The following CDC20 variants were observed in gnomAD, a reference collection of about 807,000 sequenced individuals.
The protein encoded by CDC20 is cell division cycle 20.
CDC20 carries 34 observed loss-of-function variants against 60.0 expected under a neutral mutation model. That is an observed-to-expected ratio of 0.57 (90% CI 0.43 to 0.75). The LOEUF is 0.75. Ranked by LOEUF, CDC20 falls within the 30% of genes least tolerant of loss-of-function variation. The probability of loss-of-function intolerance (pLI) is 0.00; values close to 1 mark genes in which losing one functional copy is unlikely to be tolerated. For synonymous variants in CDC20, 198 were observed against 243.5 expected (o/e 0.81, Z 1.74); for missense variants, 469 against 647.3 (o/e 0.72, Z 2.99).
In CDC20 at chr1:43,363,152, G is replaced by T. The variant is rs769139223; in HGVS notation, c.*23G>T. 5.6e-6 allele frequency: 9 copies of T among 1,595,034 alleles called. No individual in the cohort carries two copies. Among genetic ancestry groups the T allele is most frequent in the Middle Eastern group, 3.3e-4 (2 of 6,038 alleles). ...TGAAGACCAACCCATCACCTCAGTT[G>T]TTTTTTATTTTTCTAATAAAGTCAT... is the stretch of plus-strand genomic sequence containing the variant. On this transcript the variant is annotated 3_prime_UTR_variant, in exon 11 of 11. Coordinates refer to ENST00000310955, the MANE Select transcript of CDC20 (RefSeq NM_001255.3).
At position 43,359,610 on chromosome 1, in the gene CDC20, C is replaced by T. The variant is rs1647161130; in HGVS notation, c.302C>T (p.Pro101Leu). Reference protein sequence around the residue: ...ASFLLSKENQPENSQTPTKKE... With the variant: ...ASFLLSKENQLENSQTPTKKE... ...TTCCTCCTGAGCAAGGAGAACCAGC[C>T]TGAAAACAGCCAGACGCCCACCAAG... Residue 101 changes from proline (P) to leucine (L), a missense_variant, in exon 3 of 11, where the codon CCT becomes CTT. Pro to Leu is a moderately conservative substitution (Grantham distance 98, BLOSUM62 -3). This residue lies in a region of CDC20 where 115 missense variants were observed against 156.1 expected (regional missense o/e 0.74). Transcript: ENST00000310955. 6.2e-7 allele frequency: 1 copy of T among 1,613,808 alleles called. No homozygotes were observed. Among genetic ancestry groups the T allele is most frequent in the Non-Finnish European group, 8.5e-7 (1 of 1,180,006 alleles).
Position 43,362,121 on chromosome 1 carries a change from A to T in CDC20, c.1204-74A>T. On this transcript the variant is annotated intron_variant, in intron 9 of 10. Coordinates refer to ENST00000310955, the MANE Select transcript of CDC20 (RefSeq NM_001255.3). ...TCTGGAGCATGTGGCAGGGTGCCTA[A>T]CACTAGAATGGGCTCAGTTCTGATT... is the stretch of plus-strand genomic sequence containing the variant. 4.7e-6 allele frequency: 4 copies of T among 844,832 alleles called. No homozygotes were observed. In the South Asian group the frequency reaches 5.9e-5, roughly 12 times the overall value. The allele number at this position is 844,832 out of a possible 1,614,324, so 52.3% of individuals were successfully genotyped here.
In CDC20 at chr1:43,361,245, G is replaced by A; in HGVS notation, c.1203G>A (p.Gln401=). The A allele has an allele frequency of 6.3e-7, 1 of 1,598,398 alleles. No homozygotes were observed. ...ACLSAVDAHS[Q]VCSILWSPHY... is the part of the protein sequence containing the mutation. The stretch of plus-strand genomic sequence containing the variant: ...TGAGTGCCGTGGATGCCCATTCCCA[G>A]GTAATCTTTTGCCTGTTCCTGCCTC... Residue 401 remains glutamine, a splice_region_variant and synonymous_variant, in exon 9 of 11, where the codon CAG becomes CAA. Transcript: ENST00000310955.
intron 10 of CDC20, among the ~76,000 whole-genome samples, 154 bp downstream of exon 10, chr1:43,362,466 T>G (rs1158325421): frequency 6.6e-6 from 1 of 152,224 alleles, no homozygotes; most frequent in Non-Finnish European, 1.5e-5. Context: ...GAATTAGTTT[T>G]AACAGTTGTA....
chr1:43,362,341 A>G (rs778954437), intron 10 of CDC20, 29 bp downstream of exon 10: 16 of 930,726 alleles, frequency 1.7e-5, no homozygotes, highest in Admixed American at 6.9e-5. Flanking sequence ...AGCCGGACAT[A>G]AAAGGCCACA....
rs773102902 is a variant in CDC20, at chr1:43,359,814, G to A, written c.420G>A (p.Ala140=). The change falls in exon 4 of 11, where the codon GCG becomes GCA. Residue 140 remains alanine, a synonymous_variant. Coordinates refer to ENST00000310955, the MANE Select transcript of CDC20 (RefSeq NM_001255.3). The part of the protein sequence containing the change: ...ILRLSGKPQN[A]PEGYQNRLKV... Reference sequence around the variant, plus strand: ...GGCTCAGTGGAAAACCACAAAATGCGCCAGAGGGTAAGACCCGAAGTTCCT... The same window carrying A: ...GGCTCAGTGGAAAACCACAAAATGCACCAGAGGGTAAGACCCGAAGTTCCT... 2.6e-5 allele frequency: 42 copies of A among 1,613,842 alleles called. No individual in the cohort carries two copies. Among genetic ancestry groups the A allele is most frequent in the Non-Finnish European group, 3.4e-5 (40 of 1,179,988 alleles).
intron 9 of CDC20, among the ~76,000 whole-genome samples, chr1:43,361,969 A>G (rs1448445294): frequency 6.6e-6 from 1 of 152,254 alleles, no homozygotes; most frequent in Non-Finnish European, 1.5e-5. Context: ...CCAATGGATA[A>G]TACAGATGCT....
At position 43,363,057 on chromosome 1, in the gene CDC20, C is replaced by A. The variant is rs751120712; in HGVS notation, c.1428C>A (p.Asp476Glu). Residue 476 changes from aspartate to glutamate, a missense_variant, in exon 11 of 11, where the codon GAC (aspartate) becomes GAA (glutamate). Coordinates refer to ENST00000310955, the MANE Select transcript of CDC20 (RefSeq NM_001255.3). ...GGCTATGGCGCTGTTTTGAGTTGGACCCTGCGCGGCGGCGGGAGCGGGAGA... is the reference window on the plus strand; with the variant it reads ...GGCTATGGCGCTGTTTTGAGTTGGAACCTGCGCGGCGGCGGGAGCGGGAGA... ...TLRLWRCFEL[D>E]PARRREREKA... 2.5e-6 allele frequency: 4 copies of A among 1,613,508 alleles called. No individual in the cohort carries two copies. The highest frequency in any genetic ancestry group is 2.5e-6 in the Non-Finnish European group (3 of 1,179,854).
chr1:43,362,176 C>CA lies in CDC20; in HGVS notation c.1204-18dup. On this transcript the variant is annotated intron_variant, in intron 9 of 10. Coordinates refer to ENST00000310955, the MANE Select transcript of CDC20 (RefSeq NM_001255.3). The stretch of plus-strand genomic sequence containing the variant: ...TAGCCTTGGCTATATGTCATGCCCA[C>CA]ACCAGCTCCTCTCCACAGGTGTGCT... 1 of 1,507,164 alleles carries CA rather than the reference C, an allele frequency of 6.6e-7. No homozygotes were observed. The highest frequency in any genetic ancestry group is 9.2e-7 in the Non-Finnish European group (1 of 1,083,800). 93.4% of individuals were successfully genotyped at this position (1,507,164 alleles called of 1,614,324 possible). A position where few individuals can be genotyped will look rare whatever the true frequency, so the allele number is the denominator to read the frequency against.
At chr1:43,359,094 C>T in intron 1 of CDC20, 73 bp from the exon 2 acceptor site, 1 of 1,037,698 alleles carries the variant, frequency 9.6e-7, no homozygotes, top group Non-Finnish European at 1.5e-6. Flanking sequence ...GAGGGTGGCC[C>T]TGATTTTGTG....
At chr1:43,360,169 T>A (rs367576202) in intron 5 of CDC20, 24 bp from the exon 6 acceptor site, 15 of 1,613,920 alleles carry the variant, frequency 9.3e-6, no homozygotes, top group Non-Finnish European at 1.3e-5. Flanking sequence ...AGGAAGCTCA[T>A]GCTCTTCTCT....
rs1024986508 is a variant in CDC20 at position 43,363,190 on chromosome 1, GTT to G, written c.*70_*71del. The G allele has an allele frequency of 2.9e-6, 4 of 1,384,604 alleles. No homozygotes were observed. The highest frequency in any genetic ancestry group is 4.0e-6 in the Non-Finnish European group (4 of 1,007,500). 85.8% of individuals were successfully genotyped at this position (1,384,604 alleles called of 1,614,324 possible). ...CTAATAAAGTCATGTCTCCCTTCAT[GTT>G]TTTTTTTTAAATCTGTTTCAGCTAA... On this transcript the variant is annotated 3_prime_UTR_variant, in exon 11 of 11. Coordinates refer to ENST00000310955, the MANE Select transcript of CDC20 (RefSeq NM_001255.3).
chr1:43,359,790 G>A lies in CDC20; in HGVS notation c.396G>A (p.Arg132=). 6.2e-7 allele frequency: 1 copy of A among 1,613,890 alleles called. No individual in the cohort carries two copies. The highest frequency in any genetic ancestry group is 8.5e-7 in the Non-Finnish European group (1 of 1,180,038). Residue 132 remains arginine, a synonymous_variant, in exon 4 of 11, where the codon CGG becomes CGA. Coordinates refer to ENST00000310955, the MANE Select transcript of CDC20 (RefSeq NM_001255.3). ...ATGTAGAGGAAGCCAAGATCCTTCG[G>A]CTCAGTGGAAAACCACAAAATGCGC... ...GFDVEEAKIL[R]LSGKPQNAPE... is the part of the protein sequence containing the mutation.
chr1:43,360,773 G>A lies in CDC20; in HGVS notation c.889G>A (p.Val297Ile). The A allele has an allele frequency of 6.2e-7, 1 of 1,614,090 alleles. No individual in the cohort carries two copies. Among genetic ancestry groups the A allele is most frequent in the Non-Finnish European group, 8.5e-7 (1 of 1,179,928 alleles). ...SGHIHHHDVR[V>I]AEHHVATLSG... ...CCACATCCACCACCATGATGTTCGGGTAGCAGAACACCATGTGGCCACACT... is the reference window on the plus strand; with the variant it reads ...CCACATCCACCACCATGATGTTCGGATAGCAGAACACCATGTGGCCACACT... Residue 297 changes from valine (V) to isoleucine (I), a missense_variant, in exon 8 of 11, where the codon GTA (valine) becomes ATA (isoleucine). Val to Ile is a conservative substitution (Grantham distance 29). Transcript: ENST00000310955.
Position 43,359,205 on chromosome 1 carries a change from CG to C in CDC20, c.-8del. The stretch of plus-strand genomic sequence containing the variant: ...CCAACTGCAAGGACCCCTCCCCCTG[CG>C]GGCGCTCCCATGGCACAGTTCGCGT... On this transcript the variant is annotated 5_prime_UTR_variant, in exon 2 of 11. Coordinates refer to ENST00000310955, the MANE Select transcript of CDC20 (RefSeq NM_001255.3). The C allele has an allele frequency of 6.2e-7, 1 of 1,611,492 alleles. No individual in the cohort carries two copies. Among genetic ancestry groups the C allele is most frequent in the Non-Finnish European group, 8.5e-7 (1 of 1,179,848 alleles).
At position 43,360,312 on chromosome 1, in the gene CDC20, G is replaced by A; in HGVS notation, c.676G>A (p.Gly226Arg). The change falls in exon 6 of 11, where the codon GGG becomes AGG. Residue 226 changes from glycine to arginine, a missense_variant. Physicochemically the swap from Gly to Arg is moderately radical, Grantham distance 125 (BLOSUM62 -2). Coordinates refer to ENST00000310955, the MANE Select transcript of CDC20 (RefSeq NM_001255.3). The part of the protein sequence containing the change: ...ILQLLQMEQP[G>R]EYISSVAWIK... Reference sequence around the variant, plus strand: ...GCAGCTTTTGCAAATGGAGCAGCCTGGGGAATATATATCCTCTGTGGCCTG... The same window carrying A: ...GCAGCTTTTGCAAATGGAGCAGCCTAGGGAATATATATCCTCTGTGGCCTG... 6.2e-7 allele frequency: 1 copy of A among 1,614,180 alleles called. No individual in the cohort carries two copies. Among genetic ancestry groups the A allele is most frequent in the Non-Finnish European group, 8.5e-7 (1 of 1,180,024 alleles).
At chr1:43,359,446 C>G (rs374326082) in intron 2 of CDC20, 44 bp from the exon 3 acceptor site, 133 of 1,613,042 alleles carry the variant, frequency 8.2e-5, no homozygotes, top group Admixed American at 6.7e-5. Flanking sequence ...CATACTTTCT[C>G]CCTGGGGAGC....
chr1:43,362,268 T>C lies in CDC20; in HGVS notation c.1277T>C (p.Val426Ala). ...SGHGFAQNQL[V>A]IWKYPTMAKV... ...CATGGCTTTGCACAGAACCAGCTAG[T>C]TATTTGGAAGTACCCAACCATGGCC... Residue 426 changes from valine (V) to alanine (A), a missense_variant, in exon 10 of 11, where the codon GTT (valine) becomes GCT (alanine). By Grantham distance (64) the Val-to-Ala change is moderately conservative (BLOSUM62 0). Transcript: ENST00000310955. 1.2e-6 allele frequency: 2 copies of C among 1,609,640 alleles called. No individual in the cohort carries two copies. Among genetic ancestry groups the C allele is most frequent in the South Asian group, 1.1e-5 (1 of 91,014 alleles).
In CDC20 at chr1:43,359,569, G is replaced by T; in HGVS notation, c.261G>T (p.Gln87His). The T allele has an allele frequency of 6.2e-7, 1 of 1,614,140 alleles. No homozygotes were observed. The highest frequency in any genetic ancestry group is 2.2e-5 in the East Asian group (1 of 44,876). ...DRYIPHRSAA[Q>H]MEVASFLLSK... Reference sequence around the variant, plus strand: ...ATATCCCCCATCGCAGTGCTGCCCAGATGGAGGTGGCCAGCTTCCTCCTGA... The same window carrying T: ...ATATCCCCCATCGCAGTGCTGCCCATATGGAGGTGGCCAGCTTCCTCCTGA... The change falls in exon 3 of 11, where the codon CAG becomes CAT. Residue 87 changes from glutamine (Q) to histidine (H), a missense_variant. Physicochemically the swap from Gln to His is conservative, Grantham distance 24. Around this residue, in one of 5 missense-constraint regions of CDC20, gnomAD observed 115 missense variants for 156.1 expected, o/e 0.74. Transcript: ENST00000310955.
Sources: allele counts gnomAD v4.1 joint callset (sites outside exome capture counted in the v4.1 genomes callset), GRCh38; gene constraint gnomAD v4.1.1; regional missense constraint gnomAD v4.1.1; transcripts MANE v1.5; gene names NCBI Gene and HGNC (gene_info 2026-07-23, HGNC 2026-07-21).